DOCK7: variants seen among roughly 807,000 people sequenced by gnomAD.
DOCK7 encodes the protein dedicator of cytokinesis protein 7.
Under a neutral mutation model 271.0 loss-of-function variants are expected in DOCK7, and 138 were observed. The observed-to-expected ratio is 0.51, with a 90% CI of 0.44 to 0.59. DOCK7 has a LOEUF of 0.59. Ranked by LOEUF, DOCK7 falls within the 20% of genes least tolerant of loss-of-function variation. The pLI is 0.00. For synonymous variants in DOCK7, 823 were observed against 876.1 expected, an observed-to-expected ratio of 0.94 and a Z score of 1.07; for missense variants, 2,066 against 2,592.4, an observed-to-expected ratio of 0.80 and a Z score of 4.41.
intron 2 of DOCK7, 52 bp from the exon 3 acceptor site, chr1:62,654,211 A>T: frequency 6.7e-7 from 1 of 1,495,950 alleles, no homozygotes; most frequent in South Asian, 1.3e-5. Context: ...GGTGAATGTA[A>T]TAATTTTAAA....
intron 7 of DOCK7, chr1:62,638,191 C>T (rs1571862619): frequency 1.3e-5 from 2 of 152,026 alleles, no homozygotes; most frequent in African/African-American, 4.8e-5. Context: ...ATTTGTTGTT[C>T]TTTATGCATT....
intron 43 of DOCK7, among the ~76,000 whole-genome samples, chr1:62,480,646 C>T (rs1646093548): frequency 6.6e-6 from 1 of 152,126 alleles, no homozygotes; most frequent in South Asian, 2.1e-4. Context: ...TTAGGGAAAG[C>T]GTTCATCCAT....
chr1:62,598,299 C>T (rs1571706288), intron 14 of DOCK7, among the ~76,000 whole-genome samples: 2 of 151,576 alleles, frequency 1.3e-5, no homozygotes, highest in South Asian at 4.1e-4. Flanking sequence ...AATTACAAAT[C>T]GGTTAAATTA....
intron 33 of DOCK7, chr1:62,510,892 A>G: frequency 5.0e-6 from 2 of 401,098 alleles, no homozygotes; most frequent in Non-Finnish European, 8.8e-6. Context: ...TTTCTTTAAA[A>G]CAATACCCAC....
chr1:62,675,750 A>T (rs1384787775), intron 1 of DOCK7, among the ~76,000 whole-genome samples: 1 of 151,752 alleles, frequency 6.6e-6, no homozygotes, highest in African/African-American at 2.4e-5. Flanking sequence ...GCGCCACTGT[A>T]CTCCAGCCTG....
At chr1:62,620,587 A>T (rs1653062919) in intron 12 of DOCK7, among the ~76,000 whole-genome samples, 1 of 151,732 alleles carries the variant, frequency 6.6e-6, no homozygotes, top group South Asian at 2.1e-4. Context: ...TAGAAAACCA[A>T]TACAAGTTAC....
At chr1:62,475,682 GC>G in intron 46 of DOCK7, 24 bp downstream of exon 46, 1 of 1,595,750 alleles carries the variant, frequency 6.3e-7, no homozygotes, top group South Asian at 1.1e-5. Flanking sequence ...CTTCACTAAT[GC>G]TGTTTGCCCA....
chr1:62,514,967 C>T (rs1415849297), intron 31 of DOCK7, among the ~76,000 whole-genome samples: 1 of 152,090 alleles, frequency 6.6e-6, no homozygotes, highest in Non-Finnish European at 1.5e-5. Context: ...AGAGGAAAGA[C>T]ATAGGAAAGC....
intron 14 of DOCK7, chr1:62,609,372 G>C (rs1293269431): frequency 6.6e-6 from 1 of 152,108 alleles, no homozygotes; most frequent in Non-Finnish European, 1.5e-5. Context: ...TAATTTGAAA[G>C]AGCAATAAAT....
intron 48 of DOCK7, among the ~76,000 whole-genome samples, chr1:62,472,333 G>A (rs1428797489): frequency 6.6e-6 from 1 of 152,078 alleles, no homozygotes; most frequent in Admixed American, 6.6e-5. Context: ...TTGAACTCCT[G>A]AGCTCTGGTG....
chr1:62,595,954 G>C (rs181940464), intron 14 of DOCK7, among the ~76,000 whole-genome samples: 3 of 151,872 alleles, frequency 2.0e-5, no homozygotes, highest in Admixed American at 2.0e-4. Flanking sequence ...ATTTGGAAAT[G>C]GTTTATTTTG....
chr1:62,588,759 G>C (rs1340387582), intron 14 of DOCK7, among the ~76,000 whole-genome samples: 1 of 151,746 alleles, frequency 6.6e-6, no homozygotes, highest in African/African-American at 2.4e-5. Flanking sequence ...ATTTTTTTAA[G>C]AGACAAGGTC....
intron 47 of DOCK7, among the ~76,000 whole-genome samples, chr1:62,474,966 T>C (rs1454429521): frequency 1.3e-5 from 2 of 152,220 alleles, no homozygotes; most frequent in East Asian, 1.9e-4. Flanking sequence ...AATATGTACA[T>C]AGCTCTGAAA....
rs569982430 is a variant in DOCK7 at position 62,636,126 on chromosome 1, C to T, written c.885+411G>A. Among the ~76,000 whole-genome samples the T allele has an allele frequency of 2.0e-5, 3 of 152,128 alleles. No individual in the cohort carries two copies. In the East Asian group the frequency reaches 5.8e-4, roughly 29 times the overall value. ...AGTTAGCTGGGCGTAGTGGCGGGCG[C>T]CTGTAGTCCCAGCTACTCGGGAGGC... is the stretch of plus-strand genomic sequence containing the variant. On this transcript the variant is annotated intron_variant, in intron 8 of 49. Transcript: ENST00000635253.
chr1:62,679,452 G>A (rs1660871356), intron 1 of DOCK7, among the ~76,000 whole-genome samples: 2 of 151,756 alleles, frequency 1.3e-5, no homozygotes, highest in Admixed American at 6.6e-5. Context: ...AAAACCCAAA[G>A]GGAAAAAACA....
At chr1:62,597,710 T>C in intron 14 of DOCK7, 2 of 1,613,636 alleles carry the variant, frequency 1.2e-6, no homozygotes, top group Non-Finnish European at 8.5e-7. Context: ...TTTTAGCCAA[T>C]GGCCTCCTTC....
intron 7 of DOCK7, chr1:62,641,588 T>C (rs1343235968): frequency 1.1e-5 from 5 of 473,038 alleles, no homozygotes; most frequent in Middle Eastern, 6.6e-4. Flanking sequence ...TCTGTAGAAA[T>C]TGCCAGAAAT....
intron 14 of DOCK7, among the ~76,000 whole-genome samples, chr1:62,616,658 T>G (rs1034393792): frequency 7.9e-5 from 12 of 151,878 alleles, no homozygotes; most frequent in Admixed American, 3.9e-4. Flanking sequence ...ACTGCCAGAA[T>G]TATGTAATGT....
At chr1:62,456,774 G>A (rs748847408) in intron 49 of DOCK7, among the ~76,000 whole-genome samples, 1 of 152,098 alleles carries the variant, frequency 6.6e-6, no homozygotes, top group Non-Finnish European at 1.5e-5. Context: ...TGGGATCTCT[G>A]ACCTGGTGGG....
Sources: allele counts gnomAD v4.1 joint callset (sites outside exome capture counted in the v4.1 genomes callset), GRCh38; gene constraint gnomAD v4.1.1; transcripts MANE v1.5; gene names NCBI Gene and HGNC (gene_info 2026-07-23, HGNC 2026-07-21).